The following AGAP3 variants were observed in gnomAD, a reference collection of about 807,000 sequenced individuals.
AGAP3 encodes arf-GAP with GTPase, ANK repeat and PH domain-containing protein 3.
In AGAP3, 24 loss-of-function variants were observed where a neutral mutation model predicts 96.9. The ratio of observed to expected loss-of-function variants is 0.25; its 90% confidence interval spans 0.18 to 0.35. The LOEUF is 0.35. Ranked by LOEUF, AGAP3 falls within the 10% of genes least tolerant of loss-of-function variation. AGAP3 has a pLI of 1.00. For synonymous variants in AGAP3, 563 were observed against 536.1 expected, an observed-to-expected ratio of 1.05 and a Z score of -0.69; for missense variants, 876 against 1,254.2, an observed-to-expected ratio of 0.70 and a Z score of 4.55.
rs758934965 is a variant in AGAP3 at position 151,118,487 on chromosome 7, C to T, written c.842-18C>T. On this transcript the variant is annotated intron_variant, in intron 6 of 17. Coordinates refer to ENST00000397238, the MANE Select transcript of AGAP3 (RefSeq NM_031946.7). This position sits in a 1 kb window ranked among gnomAD's most constrained non-coding sequence, Gnocchi z 6.1. ...CCTTCTCTCCAGTGGGTATAATTGACTCTGCTGTCCCCTGCAGTGGCCCAG... is the reference window on the plus strand; with the variant it reads ...CCTTCTCTCCAGTGGGTATAATTGATTCTGCTGTCCCCTGCAGTGGCCCAG... 11 of 1,613,630 alleles carry T rather than the reference C, an allele frequency of 6.8e-6. No homozygotes were observed. The highest frequency in any genetic ancestry group is 2.5e-6 in the Non-Finnish European group (3 of 1,179,708).
At position 151,141,813 on chromosome 7, in the gene AGAP3, G is replaced by A; in HGVS notation, c.1805-85G>A. On this transcript the variant is annotated intron_variant, in intron 13 of 17. Transcript: ENST00000397238. This position sits in a 1 kb window ranked among gnomAD's most constrained non-coding sequence, Gnocchi z 4.2. ...GGGAGGACACTTGCCAGTGGAGCAG[G>A]GTAGTGAGTGGAGTTGTGGCGATAG... The A allele has an allele frequency of 4.5e-6, 7 of 1,563,490 alleles. No homozygotes were observed. The highest frequency in any genetic ancestry group is 5.3e-6 in the Non-Finnish European group (6 of 1,135,810).
intron 9 of AGAP3, among the ~76,000 whole-genome samples, chr7:151,125,082 T>C (rs1450345595): frequency 6.6e-6 from 1 of 152,176 alleles, no homozygotes; most frequent in Non-Finnish European, 1.5e-5. Flanking sequence ...CACAAACCTG[T>C]TGCTCATTTG....
rs1256148081 is a variant in AGAP3, at chr7:151,118,030, G to T, written c.707-180G>T. 1.1e-6 allele frequency: 1 copy of T among 926,528 alleles called. No homozygotes were observed. The highest frequency in any genetic ancestry group is 1.7e-5 in the African/African-American group (1 of 59,584). The allele number at this position is 926,528 out of a possible 1,614,324, so 57.4% of individuals were successfully genotyped here. The stretch of plus-strand genomic sequence containing the variant: ...GTGCTCAGAGCTTAAGTGCTTGCTG[G>T]TTTGCACTCAGTGAGGCCATGGAAG... On this transcript the variant is annotated intron_variant, in intron 5 of 17. Coordinates refer to ENST00000397238, the MANE Select transcript of AGAP3 (RefSeq NM_031946.7). The surrounding 1 kb of genome is among the most constrained non-coding windows in gnomAD (Gnocchi z 6.1).
chr7:151,103,839 T>G (rs1798930052), intron 1 of AGAP3, among the ~76,000 whole-genome samples: 1 of 152,246 alleles, frequency 6.6e-6, no homozygotes, highest in African/African-American at 2.4e-5. Flanking sequence ...AGGACCCATT[T>G]TCCTGTAGAA....
intron 8 of AGAP3, chr7:151,122,932 C>G: frequency 1.4e-6 from 2 of 1,455,284 alleles, no homozygotes; most frequent in Non-Finnish European, 1.8e-6. Flanking sequence ...GTAACTAACC[C>G]CACCCCCAGG....
intron 1 of AGAP3, among the ~76,000 whole-genome samples, chr7:151,087,774 C>T (rs530435960): frequency 6.6e-6 from 1 of 152,392 alleles, no homozygotes; most frequent in East Asian, 1.9e-4. Flanking sequence ...GACCGGAAAC[C>T]CCCGGCCACT....
chr7:151,122,679 G>T (rs1472561100), intron 8 of AGAP3: 1 of 1,611,192 alleles, frequency 6.2e-7, no homozygotes, highest in Admixed American at 1.7e-5. Flanking sequence ...CTTGTGCGGG[G>T]CTTGAGTATA....
At chr7:151,115,253 G>A (rs1799504458) in intron 1 of AGAP3, 2 of 1,002,758 alleles carry the variant, frequency 2.0e-6, no homozygotes, top group Non-Finnish European at 2.4e-6. Flanking sequence ...GCGCGGCGTT[G>A]TGGAGCAGCC....
rs1343840782 is a variant in AGAP3, at chr7:151,119,919, C to T, written c.970-68C>T. 1.3e-5 allele frequency: 20 copies of T among 1,529,234 alleles called. No individual in the cohort carries two copies. The Admixed American group carries it at 2.9e-4, about 22-fold the overall frequency. 94.7% of individuals were successfully genotyped at this position (1,529,234 alleles called of 1,614,324 possible). On this transcript the variant is annotated intron_variant, in intron 7 of 17. Transcript: ENST00000397238. The stretch of plus-strand genomic sequence containing the variant: ...AGGCCCCCATTAGCACAGGGATTCC[C>T]GGCACCCGCCTGGTGCCCGTCCCGC...
chr7:151,128,644 T>C lies in AGAP3; in HGVS notation c.1286T>C (p.Leu429Pro), dbSNP rs1299424076. ...GAGTGGAAGAAGAAGTATGTGACGC[T>C]CTGTGACAACGGGCTGCTCACCTAT... ...NKEWKKKYVTLCDNGLLTYHP... is the reference protein window; with the variant it reads ...NKEWKKKYVTPCDNGLLTYHP... Residue 429 changes from leucine to proline, a missense_variant, in exon 10 of 18, where the codon CTC becomes CCC. This residue lies in a region of AGAP3 where 63 missense variants were observed against 114.5 expected (regional missense o/e 0.55). Coordinates refer to ENST00000397238, the MANE Select transcript of AGAP3 (RefSeq NM_031946.7). 6.2e-7 allele frequency: 1 copy of C among 1,613,734 alleles called. No homozygotes were observed. The highest frequency in any genetic ancestry group is 1.1e-5 in the South Asian group (1 of 91,070).
intron 1 of AGAP3, among the ~76,000 whole-genome samples, chr7:151,107,907 C>T (rs920702425): frequency 6.6e-6 from 1 of 152,252 alleles, no homozygotes; most frequent in Non-Finnish European, 1.5e-5. Context: ...CCCCACCGTC[C>T]CACCCTGTGG....
chr7:151,136,023 G>T (rs1800578507), intron 11 of AGAP3, among the ~76,000 whole-genome samples: 3 of 152,244 alleles, frequency 2.0e-5, no homozygotes, highest in African/African-American at 7.2e-5. Flanking sequence ...GGCTGTGCCA[G>T]TGGGGGACCT....
chr7:151,127,847 T>C, intron 9 of AGAP3, among the ~76,000 whole-genome samples: 1 of 152,224 alleles, frequency 6.6e-6, no homozygotes, highest in East Asian at 1.9e-4. Flanking sequence ...GCCAGGGTTT[T>C]AGGGGGCTTT....
At position 151,118,423 on chromosome 7, in the gene AGAP3, G is replaced by A. The variant is rs2150473876; in HGVS notation, c.841+79G>A. On this transcript the variant is annotated intron_variant, in intron 6 of 17. Coordinates refer to ENST00000397238, the MANE Select transcript of AGAP3 (RefSeq NM_031946.7). The surrounding 1 kb of genome is among the most constrained non-coding windows in gnomAD (Gnocchi z 6.1). ...ATAGGAAGGCTCCCAGTGAGAGCAAGGCTGTGTGTCTGGGGGGAGGTGCTA... is the reference window on the plus strand; with the variant it reads ...ATAGGAAGGCTCCCAGTGAGAGCAAAGCTGTGTGTCTGGGGGGAGGTGCTA... 2 of 1,599,812 alleles carry A rather than the reference G, an allele frequency of 1.3e-6. No individual in the cohort carries two copies. Among genetic ancestry groups the A allele is most frequent in the Non-Finnish European group, 8.6e-7 (1 of 1,169,228 alleles).
In AGAP3 at chr7:151,143,728, C is replaced by G; in HGVS notation, c.2530-9C>G. 1 of 1,614,168 alleles carries G rather than the reference C, an allele frequency of 6.2e-7. No individual in the cohort carries two copies. On this transcript the variant is annotated splice_polypyrimidine_tract_variant and intron_variant, in intron 17 of 17. Coordinates refer to ENST00000397238, the MANE Select transcript of AGAP3 (RefSeq NM_031946.7). The surrounding 1 kb of genome is among the most constrained non-coding windows in gnomAD (Gnocchi z 5.9). ...CTTGCCAACTGTCAACATGTGTTTT[C>G]TCCTACAGTACGGGGTGGACGTGAG...
intron 8 of AGAP3, 71 bp downstream of exon 8, chr7:151,120,216 G>A: frequency 2.7e-6 from 4 of 1,493,468 alleles, no homozygotes; most frequent in African/African-American, 2.8e-5. Context: ...CGAGCTCCCA[G>A]CCAGGAGGGG....
At chr7:151,125,888 G>A (rs1800138928) in intron 9 of AGAP3, among the ~76,000 whole-genome samples, 1 of 152,246 alleles carries the variant, frequency 6.6e-6, no homozygotes, top group South Asian at 2.1e-4. Context: ...TGTCGCCTCC[G>A]CGCCTCTGCG....
chr7:151,138,242 CCTG>C lies in AGAP3; in HGVS notation c.1598_1600del (p.Cys533del), dbSNP rs764618923. 3 of 1,612,828 alleles carry C rather than the reference CCTG, an allele frequency of 1.9e-6. No homozygotes were observed. The highest frequency in any genetic ancestry group is 2.5e-6 in the Non-Finnish European group (3 of 1,179,832). Reference sequence around the variant, plus strand: ...CGCCCTGAGGGGCTGCACCAGCGCTCCTGCTCCGTTTCCAGCGCCGACCAGTGG... The same window carrying C: ...CGCCCTGAGGGGCTGCACCAGCGCTCCTCCGTTTCCAGCGCCGACCAGTGG... On this transcript the variant is annotated inframe_deletion, in exon 12 of 18. Transcript: ENST00000397238.
In AGAP3 at chr7:151,142,685, G is replaced by C. The variant is rs768593086; in HGVS notation, c.2273+51G>C. On this transcript the variant is annotated intron_variant, in intron 16 of 17. Coordinates refer to ENST00000397238, the MANE Select transcript of AGAP3 (RefSeq NM_031946.7). The surrounding 1 kb of genome is among the most constrained non-coding windows in gnomAD (Gnocchi z 7.5). Reference sequence around the variant, plus strand: ...GCCAGGAATGGGGGAAGCGTTGGGGGCTCCCAGCATGGGGAAGATTGGAGT... The same window carrying C: ...GCCAGGAATGGGGGAAGCGTTGGGGCCTCCCAGCATGGGGAAGATTGGAGT... 1 of 1,559,074 alleles carries C rather than the reference G, an allele frequency of 6.4e-7. No homozygotes were observed.
Sources: allele counts gnomAD v4.1 joint callset (sites outside exome capture counted in the v4.1 genomes callset), GRCh38; gene constraint gnomAD v4.1.1; regional missense constraint gnomAD v4.1.1; non-coding constraint Gnocchi (gnomAD v3.1); transcripts MANE v1.5; gene names NCBI Gene and HGNC (gene_info 2026-07-23, HGNC 2026-07-21).